Variants in PTK2 observed in about 807,000 individuals in gnomAD.
PTK2 encodes the protein focal adhesion kinase 1.
A neutral mutation model predicts 150.1 loss-of-function variants in PTK2; 45 were observed. The observed-to-expected ratio is 0.30, with a 90% confidence interval of 0.24 to 0.38. PTK2 has a LOEUF of 0.38. Ranked by LOEUF, PTK2 falls within the 10% of genes least tolerant of loss-of-function variation. The pLI, the probability that PTK2 is intolerant of heterozygous loss-of-function variation, is 1.00. For synonymous variants in PTK2, 432 were observed against 449.2 expected (o/e 0.96, Z 0.48); for missense variants, 919 against 1,307.3 (o/e 0.70, Z 4.58).
At chr8:140,715,160 T>G (rs932440042) in intron 23 of PTK2, among the ~76,000 whole-genome samples, 1 of 15,832 alleles carries the variant, frequency 6.3e-5, no homozygotes, top group East Asian at 6.3e-4. Flanking sequence ...AAACCGTTTT[T>G]TTTTTTTTTT....
At chr8:140,707,553 C>T (rs1047142758) in intron 23 of PTK2, among the ~76,000 whole-genome samples, 2 of 142,798 alleles carry the variant, frequency 1.4e-5, no homozygotes, top group African/African-American at 2.6e-5. Flanking sequence ...TTACAGGCAG[C>T]GGCACCTCAC....
intron 12 of PTK2, among the ~76,000 whole-genome samples, chr8:140,798,865 T>C (rs1281790906): frequency 1.3e-5 from 2 of 151,896 alleles, no homozygotes; most frequent in Non-Finnish European, 2.9e-5. Context: ...GAAGAAAACG[T>C]CAAAAATAAA....
intron 14 of PTK2, among the ~76,000 whole-genome samples, chr8:140,776,107 G>A (rs949458566): frequency 3.9e-5 from 6 of 152,190 alleles, no homozygotes; most frequent in African/African-American, 1.4e-4. Flanking sequence ...AGGTTCAAGT[G>A]ATTCTCGTGC....
rs551209766 is a variant in PTK2 at position 140,837,850 on chromosome 8, G to C, written c.594-7324C>G. ...GATGCGGGCTGATCACTTGAGGTCA[G>C]GAGTTCAAAATCAGCCTGGCCAACA... is the stretch of plus-strand genomic sequence containing the variant. On this transcript the variant is annotated intron_variant, in intron 7 of 31. Transcript: ENST00000522684. Among the ~76,000 whole-genome samples, 3 of 152,236 alleles carry C rather than the reference G, an allele frequency of 2.0e-5. No homozygotes were observed. The South Asian group carries it at 6.2e-4, about 32-fold the overall frequency.
intron 3 of PTK2, among the ~76,000 whole-genome samples, chr8:140,881,019 GA>G (rs1568091005): frequency 6.6e-6 from 1 of 152,152 alleles, no homozygotes; most frequent in African/African-American, 2.4e-5. Flanking sequence ...TATCAAGAGA[GA>G]AAGCATCAAC....
At chr8:140,986,169 T>G (rs2100193180) in intron 1 of PTK2, among the ~76,000 whole-genome samples, 1 of 152,200 alleles carries the variant, frequency 6.6e-6, no homozygotes, top group African/African-American at 2.4e-5. Context: ...ATGTGGCTAA[T>G]GAGCACTTGA....
intron 21 of PTK2, among the ~76,000 whole-genome samples, chr8:140,738,073 T>C (rs1462991731): frequency 4.6e-5 from 7 of 152,134 alleles, no homozygotes; most frequent in African/African-American, 7.2e-5. Context: ...AGAAAAAAGG[T>C]ACATAATCTT....
intron 4 of PTK2, among the ~76,000 whole-genome samples, chr8:140,864,776 G>C (rs2100138304): frequency 6.6e-6 from 1 of 152,198 alleles, no homozygotes; most frequent in Non-Finnish European, 1.5e-5. Context: ...TACTTGTTCA[G>C]AAAGCTAAGC....
In PTK2 at chr8:140,785,650, G is replaced by A. The variant is rs559115101; in HGVS notation, c.1177+3824C>T. 2.0e-5 allele frequency among the ~76,000 whole-genome samples: 3 copies of A among 152,282 alleles called. No homozygotes were observed. The South Asian group carries it at 6.2e-4, about 32-fold the overall frequency. On this transcript the variant is annotated intron_variant, in intron 14 of 31. Transcript: ENST00000522684. ...TTCATTGACACTTGGGAGTGTAACA[G>A]TTCATCAGTACAGGGGAGCAAACTC...
At chr8:140,969,604 A>G (rs1026297960) in intron 1 of PTK2, among the ~76,000 whole-genome samples, 1 of 152,018 alleles carries the variant, frequency 6.6e-6, no homozygotes. Context: ...TTCTTACCTC[A>G]CAGGTGGTTT....
intron 1 of PTK2, among the ~76,000 whole-genome samples, chr8:140,984,792 A>C (rs1255583415): frequency 6.6e-6 from 1 of 152,138 alleles, no homozygotes; most frequent in Non-Finnish European, 1.5e-5. Context: ...CCACAGCTCA[A>C]CTTACTGACT....
At chr8:140,745,668 A>T (rs2100058275) in intron 18 of PTK2, among the ~76,000 whole-genome samples, 1 of 152,172 alleles carries the variant, frequency 6.6e-6, no homozygotes, top group South Asian at 2.1e-4. Flanking sequence ...TATTCTGGAG[A>T]AAGTGAGAGA....
At chr8:140,712,317 A>G (rs964670445) in intron 23 of PTK2, among the ~76,000 whole-genome samples, 13 of 152,166 alleles carry the variant, frequency 8.5e-5, no homozygotes, top group African/African-American at 2.7e-4. Flanking sequence ...GCAGGTTCTC[A>G]TATCTGTTTC....
At chr8:140,756,024 A>T (rs1169393477) in intron 16 of PTK2, among the ~76,000 whole-genome samples, 1 of 152,156 alleles carries the variant, frequency 6.6e-6, no homozygotes, top group African/African-American at 2.4e-5. Flanking sequence ...TACAATATAC[A>T]CAAGAAAGAA....
At chr8:140,857,141 G>A (rs1356031211) in intron 5 of PTK2, among the ~76,000 whole-genome samples, 1 of 152,164 alleles carries the variant, frequency 6.6e-6, no homozygotes, top group East Asian at 1.9e-4. Flanking sequence ...GCTTGTTGAC[G>A]CCAGTTTAAG....
chr8:140,834,939 G>A (rs2100117800), intron 7 of PTK2, among the ~76,000 whole-genome samples: 1 of 152,174 alleles, frequency 6.6e-6, no homozygotes, highest in Non-Finnish European at 1.5e-5. Flanking sequence ...AATCCTTAGA[G>A]AGCTCTGCCC....
At chr8:140,766,984 T>G (rs1352788437) in intron 14 of PTK2, among the ~76,000 whole-genome samples, 1 of 152,206 alleles carries the variant, frequency 6.6e-6, no homozygotes, top group African/African-American at 2.4e-5. Context: ...TTGTTTTGCT[T>G]CTTCTGAGGG....
chr8:140,980,419 G>A (rs151288626), intron 1 of PTK2, among the ~76,000 whole-genome samples: 8,941 of 152,124 alleles, frequency 0.059, 367 homozygotes, highest in Non-Finnish European at 0.081. Context: ...TCAGGAGATC[G>A]AGACCATCCT....
chr8:140,658,240 T>C (rs2075117103), exon 32 of PTK2: 1 of 157,788 alleles, frequency 6.3e-6, no homozygotes, highest in Admixed American at 6.5e-5. Context: ...TGTGGTAACA[T>C]CCTTGACTTG....
Sources: gnomAD v4.1 joint callset for allele counts (sites outside exome capture counted in the v4.1 genomes callset) on GRCh38, gnomAD v4.1.1 for gene constraint, MANE v1.5 for transcripts, NCBI Gene and HGNC (gene_info 2026-07-23, HGNC 2026-07-21) for gene names.